Variants in SPOCK1 observed in about 807,000 individuals in gnomAD.
SPOCK1 encodes the protein SPARC (osteonectin), cwcv and kazal like domains proteoglycan 1.
In SPOCK1, 23 loss-of-function variants were observed where a neutral mutation model predicts 55.3. That is an observed-to-expected ratio of 0.42 (90% confidence interval 0.30 to 0.59). The LOEUF is 0.59. SPOCK1 is among the 20% of genes least tolerant of loss of function. The pLI is 0.22. For missense variants in SPOCK1, 499 were observed against 552.5 expected, an observed-to-expected ratio of 0.90 and a Z score of 0.97; for synonymous variants, 226 against 221.0, an observed-to-expected ratio of 1.02 and a Z score of -0.20.
chr5:137,238,330 C>T (rs139607903), intron 3 of SPOCK1, among the ~76,000 whole-genome samples: 8 of 152,246 alleles, frequency 5.3e-5, no homozygotes, highest in African/African-American at 1.7e-4. Flanking sequence ...CACATACACA[C>T]TGCAGTCCTT....
chr5:137,006,743 T>C (rs1424319427), intron 6 of SPOCK1, among the ~76,000 whole-genome samples: 2 of 152,132 alleles, frequency 1.3e-5, no homozygotes, highest in Non-Finnish European at 2.9e-5. Flanking sequence ...TGTTGAATAG[T>C]AGTGGTGAGA....
intron 3 of SPOCK1, among the ~76,000 whole-genome samples, chr5:137,203,742 G>A (rs940603714): frequency 2.6e-5 from 4 of 152,194 alleles, no homozygotes; most frequent in Non-Finnish European, 4.4e-5. Flanking sequence ...TGCTTTATCC[G>A]GCTTACAACT....
intron 2 of SPOCK1, among the ~76,000 whole-genome samples, chr5:137,331,097 A>T (rs1758171051): frequency 6.6e-6 from 1 of 152,174 alleles, no homozygotes; most frequent in Non-Finnish European, 1.5e-5. Flanking sequence ...AAGAGATTCA[A>T]AGGAGGCCTG....
intron 5 of SPOCK1, among the ~76,000 whole-genome samples, chr5:137,085,157 C>T (rs766759303): frequency 1.1e-4 from 16 of 152,186 alleles, no homozygotes; most frequent in Non-Finnish European, 1.9e-4. Context: ...ACCTCAGGGT[C>T]GGAGGGTTCC....
At chr5:137,180,243 G>A (rs538959526) in intron 3 of SPOCK1, among the ~76,000 whole-genome samples, 1 of 151,796 alleles carries the variant, frequency 6.6e-6, no homozygotes, top group African/African-American at 2.4e-5. Flanking sequence ...TGAGCCAAGT[G>A]TAACATGTTT....
chr5:137,119,851 T>C (rs17170982), intron 4 of SPOCK1, among the ~76,000 whole-genome samples: 1,703 of 152,346 alleles, frequency 0.011, 40 homozygotes, highest in African/African-American at 0.039. Context: ...CTACCCATAA[T>C]AGCTCACATG....
intron 2 of SPOCK1, among the ~76,000 whole-genome samples, chr5:137,392,457 C>A (rs936648453): frequency 6.6e-6 from 1 of 152,196 alleles, no homozygotes; most frequent in African/African-American, 2.4e-5. Flanking sequence ...TCGACAATTA[C>A]CAAGTCTTAG....
intron 2 of SPOCK1, among the ~76,000 whole-genome samples, chr5:137,461,067 T>G (rs1352584198): frequency 6.6e-6 from 1 of 152,236 alleles, no homozygotes; most frequent in African/African-American, 2.4e-5. Context: ...GTTGGTTTGT[T>G]GTCTGTGGCC....
At chr5:137,361,424 C>T (rs189633246) in intron 2 of SPOCK1, among the ~76,000 whole-genome samples, 4 of 152,240 alleles carry the variant, frequency 2.6e-5, no homozygotes, top group Non-Finnish European at 2.9e-5. Context: ...ATAAGAGGCA[C>T]TAAGGAAATA....
chr5:137,142,646 G>A (rs1754121361), intron 3 of SPOCK1, among the ~76,000 whole-genome samples: 1 of 152,224 alleles, frequency 6.6e-6, no homozygotes, highest in African/African-American at 2.4e-5. Context: ...CAGGGACAGA[G>A]TGTTCATTCA....
intron 6 of SPOCK1, among the ~76,000 whole-genome samples, chr5:137,051,894 A>G (rs1438244941): frequency 6.6e-6 from 1 of 152,158 alleles, no homozygotes; most frequent in Non-Finnish European, 1.5e-5. Flanking sequence ...AGTAATGAGA[A>G]CCTTGATTTT....
chr5:137,299,430 A>C (rs997028272), intron 2 of SPOCK1, among the ~76,000 whole-genome samples: 11 of 151,920 alleles, frequency 7.2e-5, no homozygotes, highest in African/African-American at 2.7e-4. Flanking sequence ...AAATATATAC[A>C]TATATAGTCC....
chr5:137,379,656 C>G (rs1338688036), intron 2 of SPOCK1, among the ~76,000 whole-genome samples: 1 of 152,068 alleles, frequency 6.6e-6, no homozygotes, highest in Non-Finnish European at 1.5e-5. Flanking sequence ...TCAAACTTTA[C>G]TATTGTCTTT....
chr5:137,299,946 C>T lies in SPOCK1; in HGVS notation c.187-32891G>A, dbSNP rs181835041. On this transcript the variant is annotated intron_variant, in intron 2 of 10. Transcript: ENST00000394945. ...TGTATCTATAAATTAATGTTCTCGC[C>T]AGTTTTAGGAAATGTTAGGCCATTA... is the stretch of plus-strand genomic sequence containing the variant. 3.9e-5 allele frequency among the ~76,000 whole-genome samples: 6 copies of T among 152,156 alleles called. No individual in the cohort carries two copies. In the East Asian group the frequency reaches 9.7e-4, roughly 24 times the overall value.
chr5:137,070,780 T>C (rs1157205092), intron 5 of SPOCK1, among the ~76,000 whole-genome samples: 2 of 152,152 alleles, frequency 1.3e-5, no homozygotes, highest in African/African-American at 2.4e-5. Context: ...CTGTGGACTG[T>C]AATTCCTGGA....
intron 9 of SPOCK1, among the ~76,000 whole-genome samples, chr5:136,983,223 A>C (rs1408794250): frequency 6.6e-6 from 1 of 152,158 alleles, no homozygotes; most frequent in East Asian, 1.9e-4. Flanking sequence ...TTAGTGGAAC[A>C]ATCCCAGAAT....
At chr5:137,133,372 A>C (rs1322081525) in intron 4 of SPOCK1, among the ~76,000 whole-genome samples, 2 of 151,474 alleles carry the variant, frequency 1.3e-5, no homozygotes, top group Non-Finnish European at 2.9e-5. Context: ...TCCATCTCAA[A>C]AAAAAAAAAA....
intron 3 of SPOCK1, among the ~76,000 whole-genome samples, chr5:137,220,315 C>T (rs1413593884): frequency 6.6e-6 from 1 of 152,184 alleles, no homozygotes; most frequent in Non-Finnish European, 1.5e-5. Flanking sequence ...ATGTACATAA[C>T]TAATCCTTTC....
At chr5:137,478,511 A>G (rs890013746) in intron 2 of SPOCK1, among the ~76,000 whole-genome samples, 1 of 152,184 alleles carries the variant, frequency 6.6e-6, no homozygotes, top group African/African-American at 2.4e-5. Flanking sequence ...AATGCAACAT[A>G]AACTAAATGA....
Sources: allele counts gnomAD v4.1 joint callset (sites outside exome capture counted in the v4.1 genomes callset), GRCh38; gene constraint gnomAD v4.1.1; transcripts MANE v1.5; gene names NCBI Gene and HGNC (gene_info 2026-07-23, HGNC 2026-07-21).